The following CNTNAP5 variants were observed in gnomAD, a reference collection of about 807,000 sequenced individuals.
CNTNAP5 encodes the protein contactin associated protein family member 5, also known as contactin-associated protein-like 5.
A neutral mutation model predicts 150.2 loss-of-function variants in CNTNAP5; 72 were observed. That is an observed-to-expected ratio of 0.48 (90% CI 0.40 to 0.58). CNTNAP5 has a LOEUF of 0.58. Among genes scored for constraint, CNTNAP5 ranks in the 20% least tolerant of loss-of-function variants. The pLI is 0.00. For synonymous variants in CNTNAP5, 672 were observed against 619.8 expected (o/e 1.08, Z -1.25); for missense variants, 1,636 against 1,626.2 (o/e 1.01, Z -0.10).
rs548656006 is a variant in CNTNAP5 at position 124,611,785 on chromosome 2, G to C, written c.1876+1865G>C. 5.3e-5 allele frequency among the ~76,000 whole-genome samples: 8 copies of C among 152,280 alleles called. No homozygotes were observed. In the South Asian group the frequency reaches 1.0e-3, roughly 20 times the overall value. On this transcript the variant is annotated intron_variant, in intron 12 of 23. Transcript: ENST00000682447. ...AGAGATAAATGCCCACTGCTGAGTG[G>C]CCAGGTGTGACTTGTAATAATAAGA...
At chr2:124,203,155 A>G (rs1029776810) in intron 1 of CNTNAP5, among the ~76,000 whole-genome samples, 1 of 152,188 alleles carries the variant, frequency 6.6e-6, no homozygotes, top group Non-Finnish European at 1.5e-5. Flanking sequence ...GACATTGGCC[A>G]AAACGAAGGG....
At chr2:124,477,299 T>G (rs1165134811) in intron 7 of CNTNAP5, among the ~76,000 whole-genome samples, 3 of 152,176 alleles carry the variant, frequency 2.0e-5, no homozygotes, top group African/African-American at 4.8e-5. Context: ...GTTTTATTCT[T>G]TGATAAATAT....
intron 13 of CNTNAP5, among the ~76,000 whole-genome samples, chr2:124,729,674 A>G (rs1680229185): frequency 6.6e-6 from 1 of 152,088 alleles, no homozygotes; most frequent in African/African-American, 2.4e-5. Context: ...GACCTATTTT[A>G]TCATCTTTGA....
At chr2:124,106,113 G>A (rs1683166735) in intron 1 of CNTNAP5, among the ~76,000 whole-genome samples, 1 of 151,908 alleles carries the variant, frequency 6.6e-6, no homozygotes, top group Non-Finnish European at 1.5e-5. Flanking sequence ...ATCATTGCAG[G>A]AATTAGGCCT....
At chr2:124,456,948 A>G (rs545329507) in intron 6 of CNTNAP5, among the ~76,000 whole-genome samples, 64 of 152,256 alleles carry the variant, frequency 4.2e-4, no homozygotes, top group Non-Finnish European at 8.1e-4. Context: ...CTAAGACCTG[A>G]AACTACGAAA....
chr2:124,400,880 CT>C (rs911366647), intron 3 of CNTNAP5, among the ~76,000 whole-genome samples: 4 of 150,394 alleles, frequency 2.7e-5, no homozygotes, highest in East Asian at 2.0e-4. Flanking sequence ...TTTTTTATTA[CT>C]TTTTTTTTGA....
At position 124,310,681 on chromosome 2, in the gene CNTNAP5, C is replaced by T. The variant is rs1688807903; in HGVS notation, c.381+68288C>T. Among the ~76,000 whole-genome samples the T allele has an allele frequency of 2.0e-5, 3 of 151,926 alleles. No homozygotes were observed. In the South Asian group the frequency reaches 6.2e-4, roughly 32 times the overall value. On this transcript the variant is annotated intron_variant, in intron 3 of 23. Transcript: ENST00000682447. ...TTCCTATTAGAAGGTTGTCAAAGGC[C>T]CCGTGGGATTTATGGAAATTTTCAT...
chr2:124,236,232 C>T (rs1009606945), intron 2 of CNTNAP5, among the ~76,000 whole-genome samples: 2 of 152,154 alleles, frequency 1.3e-5, no homozygotes, highest in African/African-American at 4.8e-5. Flanking sequence ...TCCCAAAGTG[C>T]TAGGATTACA....
intron 21 of CNTNAP5, among the ~76,000 whole-genome samples, chr2:124,871,630 G>A (rs1677749999): frequency 6.6e-6 from 1 of 152,084 alleles, no homozygotes; most frequent in Admixed American, 6.6e-5. Context: ...TTGTTTTCTG[G>A]CTTCCCCGGT....
At chr2:124,335,077 A>T (rs2104684625) in intron 3 of CNTNAP5, among the ~76,000 whole-genome samples, 1 of 152,190 alleles carries the variant, frequency 6.6e-6, no homozygotes, top group Middle Eastern at 3.4e-3. Flanking sequence ...CGGCAAAAAG[A>T]TATCTGCTAC....
chr2:124,829,045 A>T (rs1345858933), intron 19 of CNTNAP5, among the ~76,000 whole-genome samples: 1 of 152,092 alleles, frequency 6.6e-6, no homozygotes, highest in African/African-American at 2.4e-5. Context: ...CATTAACCCT[A>T]TCAGATGTCA....
At chr2:124,084,615 G>A (rs563542038) in intron 1 of CNTNAP5, among the ~76,000 whole-genome samples, 1 of 152,004 alleles carries the variant, frequency 6.6e-6, no homozygotes, top group African/African-American at 2.4e-5. Flanking sequence ...ATGTATGTGT[G>A]TGTATAGTAT....
intron 18 of CNTNAP5, among the ~76,000 whole-genome samples, chr2:124,790,637 A>C (rs778074067): frequency 6.6e-6 from 1 of 152,178 alleles, no homozygotes; most frequent in Non-Finnish European, 1.5e-5. Context: ...ACTTGAGCGA[A>C]TGTCTGAGGC....
rs186181466 is a variant in CNTNAP5, at chr2:124,684,165, T to C, written c.2077+36207T>C. 2.8e-3 allele frequency among the ~76,000 whole-genome samples: 424 copies of C among 152,292 alleles called. 3 individuals carry two copies. The highest frequency in any genetic ancestry group is 9.6e-3 in the African/African-American group (397 of 41,568). On this transcript the variant is annotated intron_variant, in intron 13 of 23. Coordinates refer to ENST00000682447, the MANE Select transcript of CNTNAP5 (RefSeq NM_001367498.1). ...TAAAAGCTAAATGTGTAAACAGAAG[T>C]ACCCTGAAATGACAGCAGCTGTCAT... is the stretch of plus-strand genomic sequence containing the variant.
intron 3 of CNTNAP5, among the ~76,000 whole-genome samples, chr2:124,298,705 A>G (rs746660572): frequency 3.9e-5 from 6 of 152,140 alleles, no homozygotes; most frequent in Admixed American, 1.3e-4. Context: ...AGACCCCCCA[A>G]TAAAACTTGT....
At chr2:124,842,398 T>C (rs754621913) in intron 19 of CNTNAP5, among the ~76,000 whole-genome samples, 29 of 152,152 alleles carry the variant, frequency 1.9e-4, no homozygotes, top group Non-Finnish European at 3.2e-4. Flanking sequence ...ATATATGAAC[T>C]GAAAAATATA....
intron 20 of CNTNAP5, 78 bp downstream of exon 20, chr2:124,865,514 G>A (rs922972827): frequency 3.7e-6 from 5 of 1,352,634 alleles, no homozygotes; most frequent in Non-Finnish European, 3.1e-6. Context: ...TCTACCCCAT[G>A]CCAGTGTAGT....
At chr2:124,274,745 G>T (rs1006152423) in intron 3 of CNTNAP5, among the ~76,000 whole-genome samples, 4 of 152,118 alleles carry the variant, frequency 2.6e-5, no homozygotes, top group Admixed American at 6.6e-5. Flanking sequence ...ATATGTTAAT[G>T]ATCTAAAGGC....
chr2:124,698,093 T>C (rs1447746941), intron 13 of CNTNAP5, among the ~76,000 whole-genome samples: 1 of 152,072 alleles, frequency 6.6e-6, no homozygotes, highest in Non-Finnish European at 1.5e-5. Context: ...CAAATAATGA[T>C]ATAATACAGA....
Sources: gnomAD v4.1 joint callset for allele counts (sites outside exome capture counted in the v4.1 genomes callset) on GRCh38, gnomAD v4.1.1 for gene constraint, MANE v1.5 for transcripts, NCBI Gene and HGNC (gene_info 2026-07-23, HGNC 2026-07-21) for gene names.